CABIN1: variants seen among roughly 807,000 people sequenced by gnomAD.
The protein encoded by CABIN1 is calcineurin binding protein 1.
A neutral mutation model predicts 227.7 loss-of-function variants in CABIN1; 133 were observed. That is an observed-to-expected ratio of 0.58 (90% CI 0.51 to 0.67). CABIN1 has a LOEUF of 0.67. CABIN1 is among the 30% of genes least tolerant of loss of function. The pLI, the probability that CABIN1 is intolerant of heterozygous loss-of-function variation, is 0.00. For missense variants in CABIN1, 2,408 were observed against 2,852.5 expected, an observed-to-expected ratio of 0.84 and a Z score of 3.55; for synonymous variants, 1,086 against 1,155.1, an observed-to-expected ratio of 0.94 and a Z score of 1.21.
chr22:24,155,096 C>T (rs2045704602), intron 29 of CABIN1, among the ~76,000 whole-genome samples: 1 of 152,188 alleles, frequency 6.6e-6, no homozygotes, highest in African/African-American at 2.4e-5. Context: ...TGGCCCATCC[C>T]TGCCTTTCCT....
intron 13 of CABIN1, 46 bp downstream of exon 13, chr22:24,062,071 C>G (rs747120659): frequency 6.7e-7 from 1 of 1,483,674 alleles, no homozygotes; most frequent in Non-Finnish European, 9.4e-7. Flanking sequence ...ATCTGAACCC[C>G]CAGCAGCTGG....
At chr22:24,123,907 A>G (rs926765401) in intron 28 of CABIN1, among the ~76,000 whole-genome samples, 5 of 152,220 alleles carry the variant, frequency 3.3e-5, no homozygotes, top group East Asian at 1.9e-4. Context: ...TGCCTCTTCA[A>G]AGGGGCCCAC....
At chr22:24,082,663 C>G (rs2040884363) in intron 19 of CABIN1, among the ~76,000 whole-genome samples, 1 of 152,160 alleles carries the variant, frequency 6.6e-6, no homozygotes, top group South Asian at 2.1e-4. Context: ...GCCGTCGGCT[C>G]TCATATTCTT....
intron 13 of CABIN1, 30 bp downstream of exon 13, chr22:24,062,055 G>C: frequency 6.4e-7 from 1 of 1,562,412 alleles, no homozygotes; most frequent in Non-Finnish European, 8.8e-7. Context: ...CTGTGGCCAG[G>C]CTAATATCTG....
chr22:24,097,078 G>C (rs2041937777), intron 25 of CABIN1, among the ~76,000 whole-genome samples: 1 of 152,234 alleles, frequency 6.6e-6, no homozygotes, highest in South Asian at 2.1e-4. Context: ...AGGCCACTCA[G>C]GTGGGCAGCC....
In CABIN1 at chr22:24,057,933, G is replaced by A. The variant is rs187511795; in HGVS notation, c.1263-1294G>A. On this transcript the variant is annotated intron_variant, in intron 10 of 36. Transcript: ENST00000263119. ...CCCTTAGCCCTGCTTTTTACTCCAA[G>A]GTCTTGTTCCCTAGTCCCATTTACC... Among the ~76,000 whole-genome samples, 6 of 152,264 alleles carry A rather than the reference G, an allele frequency of 3.9e-5. No homozygotes were observed. The East Asian group carries it at 9.6e-4, about 24-fold the overall frequency.
chr22:24,147,458 T>TTC (rs1174465122), intron 29 of CABIN1, among the ~76,000 whole-genome samples: 2 of 150,852 alleles, frequency 1.3e-5, no homozygotes, highest in Admixed American at 1.3e-4. Flanking sequence ...TCTTTCTTTT[T>TTC]TTTTTGAGAC....
chr22:24,148,526 T>C (rs1233331910), intron 29 of CABIN1, among the ~76,000 whole-genome samples: 1 of 152,220 alleles, frequency 6.6e-6, no homozygotes, highest in African/African-American at 2.4e-5. Flanking sequence ...AAGTCCAGCA[T>C]AATCCTCTGA....
At chr22:24,076,969 G>GAT (rs1241017861) in intron 19 of CABIN1, among the ~76,000 whole-genome samples, 1 of 152,188 alleles carries the variant, frequency 6.6e-6, no homozygotes, top group African/African-American at 2.4e-5. Context: ...GTTCTATTGG[G>GAT]ATATAACCAT....
chr22:24,107,689 G>A (rs1199699861), intron 26 of CABIN1, among the ~76,000 whole-genome samples: 1 of 152,220 alleles, frequency 6.6e-6, no homozygotes, highest in Non-Finnish European at 1.5e-5. Flanking sequence ...CACTTTGAGA[G>A]TAAATATCTA....
intron 23 of CABIN1, among the ~76,000 whole-genome samples, chr22:24,090,344 C>T (rs2041461001): frequency 6.6e-6 from 1 of 152,180 alleles, no homozygotes. Context: ...CAAAGCAATT[C>T]AAGTAGAAGG....
At chr22:24,136,506 C>T (rs1213456506) in intron 29 of CABIN1, among the ~76,000 whole-genome samples, 1 of 131,106 alleles carries the variant, frequency 7.6e-6, no homozygotes, top group East Asian at 2.7e-4. Flanking sequence ...CACACTGCCA[C>T]GCCCAGCTAA....
rs116880466 is a variant in CABIN1 at position 24,131,372 on chromosome 22, G to A, written c.4633-2930G>A. On this transcript the variant is annotated intron_variant, in intron 28 of 36. Coordinates refer to ENST00000263119, the MANE Select transcript of CABIN1 (RefSeq NM_012295.4). ...CCAGGCCTGTGCCCTGGGTCATGAA[G>A]TCACAGCTGGAGGAGTGGTCTGCCA... 1.5e-3 allele frequency among the ~76,000 whole-genome samples: 235 copies of A among 152,332 alleles called. 1 individual carries two copies. Among genetic ancestry groups the A allele is most frequent in the Non-Finnish European group, 2.7e-3 (183 of 68,034 alleles).
intron 26 of CABIN1, chr22:24,098,425 G>A (rs1229675640): frequency 5.0e-6 from 4 of 806,470 alleles, no homozygotes; most frequent in Middle Eastern, 3.7e-4. Flanking sequence ...GCCAGGGGAG[G>A]GGGCAGGCCA....
At chr22:24,146,399 T>C (rs2045119961) in intron 29 of CABIN1, among the ~76,000 whole-genome samples, 1 of 152,222 alleles carries the variant, frequency 6.6e-6, no homozygotes, top group Non-Finnish European at 1.5e-5. Flanking sequence ...TTGTGGAACT[T>C]CACAGCTTCC....
intron 34 of CABIN1, among the ~76,000 whole-genome samples, chr22:24,174,272 G>A (rs1256687582): frequency 6.6e-6 from 1 of 151,954 alleles, no homozygotes; most frequent in African/African-American, 2.4e-5. Context: ...GAGACTACAA[G>A]CATGGGCCAC....
chr22:24,014,809 C>T (rs1167276672), intron 1 of CABIN1, among the ~76,000 whole-genome samples: 1 of 152,164 alleles, frequency 6.6e-6, no homozygotes, highest in Non-Finnish European at 1.5e-5. Context: ...CTTCTTTTCA[C>T]CGCTTTCCCA....
intron 1 of CABIN1, among the ~76,000 whole-genome samples, chr22:24,034,769 T>A (rs1231332212): frequency 1.3e-5 from 2 of 152,268 alleles, no homozygotes; most frequent in African/African-American, 4.8e-5. Context: ...AATCCTGTCA[T>A]CTTTTGCAGC....
At chr22:24,025,876 C>T (rs781721826) in intron 1 of CABIN1, among the ~76,000 whole-genome samples, 1 of 152,188 alleles carries the variant, frequency 6.6e-6, no homozygotes, top group Non-Finnish European at 1.5e-5. Context: ...CTCTGTTGCC[C>T]AGGCTGGAGT....
Sources: allele counts gnomAD v4.1 joint callset (sites outside exome capture counted in the v4.1 genomes callset), GRCh38; gene constraint gnomAD v4.1.1; transcripts MANE v1.5; gene names NCBI Gene and HGNC (gene_info 2026-07-23, HGNC 2026-07-21).